Variants in TBCEL observed in about 807,000 individuals in gnomAD.
TBCEL encodes tubulin folding cofactor E like.
In TBCEL, 15 loss-of-function variants were observed where a neutral mutation model predicts 44.2. The ratio of observed to expected loss-of-function variants is 0.34; its 90% CI spans 0.23 to 0.52. The LOEUF (loss-of-function observed/expected upper bound fraction) is 0.52, where lower values mean the gene tolerates loss of function less well. TBCEL is among the 20% of genes least tolerant of loss of function. The pLI, the probability that TBCEL is intolerant of heterozygous loss-of-function variation, is 0.95. For synonymous variants in TBCEL, 171 were observed against 185.4 expected (o/e 0.92, Z 0.63); for missense variants, 319 against 506.3 (o/e 0.63, Z 3.55).
In TBCEL at chr11:121,065,709, A is replaced by G. The variant is rs149740796; in HGVS notation, c.956+5624A>G. ...AGCTATCTTGTATCCTTAGAATAGC[A>G]GATGCTCTACCTCATAGTTTTGAAT... is the stretch of plus-strand genomic sequence containing the variant. On this transcript the variant is annotated intron_variant, in intron 8 of 8. Coordinates refer to ENST00000683345, the MANE Select transcript of TBCEL (RefSeq NM_001363644.2). 5.3e-5 allele frequency among the ~76,000 whole-genome samples: 8 copies of G among 152,358 alleles called. No individual in the cohort carries two copies. In the East Asian group the frequency reaches 5.8e-4, roughly 11 times the overall value.
At chr11:121,060,398 T>C (rs757051349) in intron 8 of TBCEL, among the ~76,000 whole-genome samples, 1 of 151,922 alleles carries the variant, frequency 6.6e-6, no homozygotes, top group Non-Finnish European at 1.5e-5. Flanking sequence ...GGGTACATTT[T>C]TACCTACCCC....
intron 1 of TBCEL, among the ~76,000 whole-genome samples, chr11:121,029,024 A>G (rs928642386): frequency 1.3e-5 from 2 of 151,872 alleles, no homozygotes; most frequent in African/African-American, 4.8e-5. Flanking sequence ...TATACTCTAT[A>G]CTCTACACCA....
intron 8 of TBCEL, among the ~76,000 whole-genome samples, chr11:121,073,116 A>T (rs1945967636): frequency 6.6e-6 from 1 of 152,000 alleles, no homozygotes; most frequent in Admixed American, 6.6e-5. Context: ...TTCAGATTGT[A>T]TTAATTATTG....
chr11:121,087,130 G>T lies in TBCEL; in HGVS notation c.*34G>T, dbSNP rs758912526. On this transcript the variant is annotated 3_prime_UTR_variant, in exon 9 of 9. Coordinates refer to ENST00000683345, the MANE Select transcript of TBCEL (RefSeq NM_001363644.2). Reference sequence around the variant, plus strand: ...AGCCTTGTGAAAAACATACACATAAGGACTTGTTGCAGGGCATTTGTTTTT... The same window carrying T: ...AGCCTTGTGAAAAACATACACATAATGACTTGTTGCAGGGCATTTGTTTTT... The T allele has an allele frequency of 1.3e-6, 2 of 1,569,704 alleles. No individual in the cohort carries two copies. Among genetic ancestry groups the T allele is most frequent in the Admixed American group, 3.8e-5 (2 of 53,194 alleles).
chr11:121,071,984 AG>A (rs1356963154), intron 8 of TBCEL, among the ~76,000 whole-genome samples: 16 of 152,162 alleles, frequency 1.1e-4, no homozygotes, highest in Admixed American at 3.9e-4. Flanking sequence ...GCCGTGACAC[AG>A]CACTCCTAGC....
chr11:121,066,198 T>C (rs10892667), intron 8 of TBCEL, among the ~76,000 whole-genome samples: 35,175 of 152,156 alleles, frequency 0.23, 4,585 homozygotes, highest in African/African-American at 0.35. Flanking sequence ...CATTAGTAAG[T>C]TGCTGGACTT....
chr11:121,084,968 C>A (rs1278950943), intron 8 of TBCEL, among the ~76,000 whole-genome samples: 2 of 151,330 alleles, frequency 1.3e-5, no homozygotes, highest in African/African-American at 2.4e-5. Flanking sequence ...AAAATCCTTA[C>A]ATCCTGAAGT....
intron 1 of TBCEL, chr11:121,035,644 G>A (rs1412076128): frequency 6.6e-6 from 1 of 152,052 alleles, no homozygotes; most frequent in Non-Finnish European, 1.5e-5. Context: ...TTAACATGAT[G>A]GCTTCTGTAG....
intron 2 of TBCEL, among the ~76,000 whole-genome samples, chr11:121,038,668 C>T (rs527772298): frequency 6.6e-6 from 1 of 152,172 alleles, no homozygotes; most frequent in South Asian, 2.1e-4. Flanking sequence ...GGAGATTTTC[C>T]TCCTATGGCT....
At chr11:121,061,822 A>G (rs1398565858) in intron 8 of TBCEL, among the ~76,000 whole-genome samples, 5 of 152,066 alleles carry the variant, frequency 3.3e-5, no homozygotes, top group South Asian at 4.2e-4. Flanking sequence ...ATTACTGTAC[A>G]CTACTATAGA....
rs753361157 is a variant in TBCEL, at chr11:121,054,011, C to G, written c.455+279C>G. On this transcript the variant is annotated intron_variant, in intron 5 of 8. Coordinates refer to ENST00000683345, the MANE Select transcript of TBCEL (RefSeq NM_001363644.2). ...ACTTATCACTCTAAATCAACTCAGC[C>G]TTACTCTGTTTTAATCTTCTGATAT... Among the ~76,000 whole-genome samples, 25 of 151,702 alleles carry G rather than the reference C, an allele frequency of 1.6e-4. 1 individual carries two copies. The highest frequency in any genetic ancestry group is 2.0e-4 in the Admixed American group (3 of 15,198).
intron 5 of TBCEL, 36 bp from the exon 6 acceptor site, chr11:121,055,016 C>T: frequency 6.9e-7 from 1 of 1,444,174 alleles, no homozygotes; most frequent in Non-Finnish European, 9.1e-7. Context: ...AATTAAACTG[C>T]TTTAAACAAT....
At position 121,060,024 on chromosome 11, in the gene TBCEL, G is replaced by A. The variant is rs1367186120; in HGVS notation, c.895G>A (p.Asp299Asn). ...CGTTGTTACTGATGGTGAACGAGAA[G>A]ATTCTGAGAGATTTTTTATTCGTTA... Reference protein sequence around the residue: ...GSVVTDGEREDSERFFIRYYV... With the variant: ...GSVVTDGERENSERFFIRYYV... The change falls in exon 8 of 9, where the codon GAT (aspartate) becomes AAT (asparagine). Residue 299 changes from aspartate to asparagine, a missense_variant. Asp to Asn is a conservative substitution (Grantham distance 23, BLOSUM62 1). Transcript: ENST00000683345. The A allele has an allele frequency of 6.2e-7, 1 of 1,611,676 alleles. No homozygotes were observed. Among genetic ancestry groups the A allele is most frequent in the African/African-American group, 1.3e-5 (1 of 74,924 alleles).
chr11:121,074,009 T>C (rs1259789198), intron 8 of TBCEL, among the ~76,000 whole-genome samples: 1 of 151,960 alleles, frequency 6.6e-6, no homozygotes, highest in East Asian at 1.9e-4. Context: ...GTCTGTAATT[T>C]TTTGTGGTTC....
chr11:121,086,997 A>G lies in TBCEL; in HGVS notation c.1176A>G (p.Ala392=). 6.2e-7 allele frequency: 1 copy of G among 1,614,104 alleles called. No homozygotes were observed. The highest frequency in any genetic ancestry group is 8.5e-7 in the Non-Finnish European group (1 of 1,179,992). Residue 392 remains alanine (A), a synonymous_variant, in exon 9 of 9, where the codon GCA becomes GCG. Coordinates refer to ENST00000683345, the MANE Select transcript of TBCEL (RefSeq NM_001363644.2). Reference sequence around the variant, plus strand: ...TTCTCTACTATTTTGACCATGAAGCACCCTTTGGCCCAGAGGAAATGAAGT... The same window carrying G: ...TTCTCTACTATTTTGACCATGAAGCGCCCTTTGGCCCAGAGGAAATGAAGT... The part of the protein sequence containing the change: ...NMLLYYFDHE[A]PFGPEEMKYS...
In TBCEL at chr11:121,087,201, G is replaced by A. The variant is rs976605066; in HGVS notation, c.*105G>A. 1 of 1,201,738 alleles carries A rather than the reference G, an allele frequency of 8.3e-7. No individual in the cohort carries two copies. Among genetic ancestry groups the A allele is most frequent in the African/African-American group, 1.5e-5 (1 of 64,750 alleles). 74.4% of individuals were successfully genotyped at this position (1,201,738 alleles called of 1,614,324 possible). A position where few individuals can be genotyped will look rare whatever the true frequency, so the allele number is the denominator to read the frequency against. ...GGAGAGGTTGTTTTTGTTTTGTTTT[G>A]TTCTGTTTAGGTTTGGGAAGGATTT... On this transcript the variant is annotated 3_prime_UTR_variant, in exon 9 of 9. Transcript: ENST00000683345.
intron 8 of TBCEL, among the ~76,000 whole-genome samples, chr11:121,075,030 T>TAC (rs1039752217): frequency 6.6e-6 from 1 of 151,834 alleles, no homozygotes; most frequent in African/African-American, 2.4e-5. Flanking sequence ...AACTAAAACA[T>TAC]ACACACACAC....
intron 8 of TBCEL, among the ~76,000 whole-genome samples, chr11:121,071,052 A>G (rs895584202): frequency 6.6e-6 from 1 of 152,174 alleles, no homozygotes; most frequent in African/African-American, 2.4e-5. Flanking sequence ...CTCTGAGGGT[A>G]TAGAAATATC....
chr11:121,027,523 C>G (rs12576758), intron 1 of TBCEL, among the ~76,000 whole-genome samples: 2 of 152,020 alleles, frequency 1.3e-5, no homozygotes, highest in South Asian at 4.1e-4. Context: ...CTACAGACTT[C>G]CTCTACTTTT....
Sources: allele counts gnomAD v4.1 joint callset (sites outside exome capture counted in the v4.1 genomes callset), GRCh38; gene constraint gnomAD v4.1.1; transcripts MANE v1.5; gene names NCBI Gene and HGNC (gene_info 2026-07-23, HGNC 2026-07-21).